Variants in EGFLAM observed in about 807,000 individuals in gnomAD.
EGFLAM encodes the protein EGF like, fibronectin type III and laminin G domains, also known as pikachurin.
In EGFLAM, 79 loss-of-function variants were observed where a neutral mutation model predicts 113.1. The observed-to-expected ratio is 0.70, with a 90% CI of 0.58 to 0.84. EGFLAM has a LOEUF of 0.84. Among genes scored for constraint, EGFLAM ranks in the 40% least tolerant of loss-of-function variants. EGFLAM has a pLI of 0.00. For synonymous variants in EGFLAM, 504 were observed against 487.6 expected (o/e 1.03, Z -0.44); for missense variants, 1,265 against 1,291.6 (o/e 0.98, Z 0.32).
At chr5:38,394,950 A>AT (rs780104574) in intron 6 of EGFLAM, among the ~76,000 whole-genome samples, 1 of 150,670 alleles carries the variant, frequency 6.6e-6, no homozygotes, top group East Asian at 2.0e-4. Context: ...TTTAATTTTT[A>AT]TTTTTTTGAG....
chr5:38,438,522 A>G, intron 17 of EGFLAM, 67 bp downstream of exon 17: 1 of 1,421,782 alleles, frequency 7.0e-7, no homozygotes, highest in Non-Finnish European at 9.3e-7. Flanking sequence ...CAATTGGGGG[A>G]CCACAACTCT....
intron 6 of EGFLAM, among the ~76,000 whole-genome samples, chr5:38,404,731 C>T (rs1229991921): frequency 6.6e-6 from 1 of 152,156 alleles, no homozygotes; most frequent in African/African-American, 2.4e-5. Flanking sequence ...GTTTCTGTTG[C>T]CAAAGTTGTT....
chr5:38,446,049 C>G (rs901574308), intron 17 of EGFLAM, among the ~76,000 whole-genome samples: 1 of 152,186 alleles, frequency 6.6e-6, no homozygotes, highest in African/African-American at 2.4e-5. Context: ...GTACCTCTCC[C>G]CCGTGGGGGT....
intron 6 of EGFLAM, among the ~76,000 whole-genome samples, chr5:38,394,682 T>C (rs1468322754): frequency 1.3e-5 from 2 of 150,198 alleles, no homozygotes; most frequent in Admixed American, 6.6e-5. Flanking sequence ...GTGCTGGGAT[T>C]ACAGGCGTGA....
intron 6 of EGFLAM, among the ~76,000 whole-genome samples, chr5:38,374,507 G>A (rs1049180697): frequency 6.6e-6 from 1 of 152,040 alleles, no homozygotes; most frequent in Non-Finnish European, 1.5e-5. Context: ...CCAGATTACC[G>A]GTCTGGGTGG....
At chr5:38,304,589 A>G (rs1395563378) in intron 1 of EGFLAM, among the ~76,000 whole-genome samples, 3 of 152,224 alleles carry the variant, frequency 2.0e-5, no homozygotes, top group African/African-American at 4.8e-5. Context: ...AATGATATTG[A>G]TATTGAAAAC....
chr5:38,327,437 G>A (rs1161946123), intron 1 of EGFLAM, among the ~76,000 whole-genome samples: 1 of 152,174 alleles, frequency 6.6e-6, no homozygotes, highest in African/African-American at 2.4e-5. Flanking sequence ...GAGAAAAATT[G>A]TCCTTCATCT....
At chr5:38,420,411 A>G (rs555006679) in intron 12 of EGFLAM, among the ~76,000 whole-genome samples, 1 of 152,372 alleles carries the variant, frequency 6.6e-6, no homozygotes, top group African/African-American at 2.4e-5. Flanking sequence ...GATTCAGAAC[A>G]TAAGAACCAG....
In EGFLAM at chr5:38,347,234, G is replaced by T. The variant is rs562929159; in HGVS notation, c.292-3267G>T. 2.0e-5 allele frequency among the ~76,000 whole-genome samples: 3 copies of T among 152,306 alleles called. No homozygotes were observed. The South Asian group carries it at 6.2e-4, about 32-fold the overall frequency. On this transcript the variant is annotated intron_variant, in intron 3 of 21. Coordinates refer to ENST00000322350, the MANE Select transcript of EGFLAM (RefSeq NM_152403.4). ...TCATCTGTTTACATGAGACATCTTG[G>T]CTTGATTTCTTTCTTTAATCATTCA...
At position 38,258,690 on chromosome 5, in the gene EGFLAM, C is replaced by T. The variant is rs1319180708; in HGVS notation, c.-65C>T. ...CGTTGGGGCCGCGTCCCCCACGCGC[C>T]CCCGGAGACGCCCTTTCCGTGTGCG... On this transcript the variant is annotated 5_prime_UTR_variant, in exon 1 of 22. Transcript: ENST00000322350. 1 of 1,538,194 alleles carries T rather than the reference C, an allele frequency of 6.5e-7. No individual in the cohort carries two copies. The highest frequency in any genetic ancestry group is 2.4e-5 in the East Asian group (1 of 41,246).
At chr5:38,451,542 G>C in intron 19 of EGFLAM, 84 bp downstream of exon 19, 1 of 1,527,642 alleles carries the variant, frequency 6.5e-7, no homozygotes, top group Non-Finnish European at 8.8e-7. Flanking sequence ...TCAGAAGGGA[G>C]CCAGAACACA....
chr5:38,447,392 A>G (rs981208442), intron 17 of EGFLAM, among the ~76,000 whole-genome samples: 3 of 152,228 alleles, frequency 2.0e-5, no homozygotes, highest in African/African-American at 7.2e-5. Context: ...TTCTTCTTCC[A>G]TAAAATGAGA....
intron 6 of EGFLAM, among the ~76,000 whole-genome samples, chr5:38,374,119 A>T (rs1431227960): frequency 2.0e-5 from 3 of 152,146 alleles, no homozygotes; most frequent in Non-Finnish European, 4.4e-5. Flanking sequence ...TTCTCTGATG[A>T]TTAGTGATGC....
chr5:38,434,226 A>C (rs778102334), intron 15 of EGFLAM, among the ~76,000 whole-genome samples: 10 of 151,754 alleles, frequency 6.6e-5, no homozygotes, highest in Non-Finnish European at 1.5e-4. Flanking sequence ...TACAATGTTA[A>C]CTCTTCCTTG....
intron 1 of EGFLAM, among the ~76,000 whole-genome samples, chr5:38,324,009 T>C (rs1379321414): frequency 2.2e-5 from 3 of 137,276 alleles, no homozygotes; most frequent in Non-Finnish European, 4.5e-5. Flanking sequence ...GCCACTACTC[T>C]AGCGTGCATG....
chr5:38,402,738 TAAG>T (rs750536709), intron 6 of EGFLAM, among the ~76,000 whole-genome samples: 15 of 152,146 alleles, frequency 9.9e-5, no homozygotes, highest in Non-Finnish European at 1.8e-4. Flanking sequence ...TAGTACCTGA[TAAG>T]AAGAGGAGAT....
rs1452274770 is a variant in EGFLAM, at chr5:38,258,577, C to T, written c.-178C>T. The T allele has an allele frequency of 4.4e-5, 29 of 664,070 alleles. No individual in the cohort carries two copies. The highest frequency in any genetic ancestry group is 6.2e-5 in the Non-Finnish European group (24 of 388,278). The allele number at this position is 664,070 out of a possible 1,614,324, so 41.1% of individuals were successfully genotyped here. A position where few individuals can be genotyped will look rare whatever the true frequency, so the allele number is the denominator to read the frequency against. ...CGGCTTCACTCGCGCACGCCGACCTCCCGGCTGCAGTCCTACCTCTTGGAA... is the reference window on the plus strand; with the variant it reads ...CGGCTTCACTCGCGCACGCCGACCTTCCGGCTGCAGTCCTACCTCTTGGAA... On this transcript the variant is annotated 5_prime_UTR_variant, in exon 1 of 22. Transcript: ENST00000322350.
chr5:38,322,874 C>A (rs1314180857), intron 1 of EGFLAM, among the ~76,000 whole-genome samples: 1 of 152,160 alleles, frequency 6.6e-6, no homozygotes, highest in Non-Finnish European at 1.5e-5. Flanking sequence ...CTGGCAACTT[C>A]TTTAATCCAC....
Position 38,425,102 on chromosome 5 carries a change from A to G in EGFLAM, c.1810+10A>G. 6.2e-7 allele frequency: 1 copy of G among 1,612,196 alleles called. No individual in the cohort carries two copies. The highest frequency in any genetic ancestry group is 8.5e-7 in the Non-Finnish European group (1 of 1,178,792). ...CGACACTGTGAAGATGGTGAGAAAG[A>G]AGCAAGTTGAAGGCGGTTTCTATCT... On this transcript the variant is annotated intron_variant, in intron 13 of 21. Transcript: ENST00000322350.
Sources: gnomAD v4.1 joint callset for allele counts (sites outside exome capture counted in the v4.1 genomes callset) on GRCh38, gnomAD v4.1.1 for gene constraint, MANE v1.5 for transcripts, NCBI Gene and HGNC (gene_info 2026-07-23, HGNC 2026-07-21) for gene names.